The following DLG2 variants were observed in gnomAD, a reference collection of about 807,000 sequenced individuals.
DLG2 encodes disks large homolog 2.
In DLG2, 45 loss-of-function variants were observed where a neutral mutation model predicts 132.5. The observed-to-expected ratio is 0.34, with a 90% confidence interval of 0.27 to 0.44. The LOEUF is 0.44. DLG2 is among the 20% of genes least tolerant of loss of function. DLG2 has a pLI of 1.00. For synonymous variants in DLG2, 424 were observed against 419.6 expected (o/e 1.01, Z -0.13); for missense variants, 1,045 against 1,196.9 (o/e 0.87, Z 1.87).
At chr11:83,878,689 G>C (rs1164835151) in intron 15 of DLG2, among the ~76,000 whole-genome samples, 2 of 152,168 alleles carry the variant, frequency 1.3e-5, no homozygotes, top group East Asian at 1.9e-4. Context: ...TCATTAGTAA[G>C]TCATGAACAT....
intron 8 of DLG2, among the ~76,000 whole-genome samples, chr11:84,213,687 C>T (rs1302972273): frequency 4.0e-5 from 6 of 151,776 alleles, no homozygotes; most frequent in African/African-American, 1.2e-4. Flanking sequence ...GGCGTGGTGG[C>T]GGGCACCTGT....
intron 3 of DLG2, among the ~76,000 whole-genome samples, chr11:85,425,901 T>G (rs2153002815): frequency 6.6e-6 from 1 of 151,930 alleles, no homozygotes; most frequent in East Asian, 1.9e-4. Flanking sequence ...AAGAAAGGAG[T>G]GACAGATGGC....
At chr11:83,490,466 A>G (rs2093776482) in intron 21 of DLG2, among the ~76,000 whole-genome samples, 2 of 152,048 alleles carry the variant, frequency 1.3e-5, no homozygotes, top group Admixed American at 1.3e-4. Flanking sequence ...GGAAATCACC[A>G]TTTTGTAATC....
chr11:84,508,130 T>C (rs551780856), intron 7 of DLG2, among the ~76,000 whole-genome samples: 4 of 152,176 alleles, frequency 2.6e-5, no homozygotes, highest in Non-Finnish European at 5.9e-5. Context: ...AACCACCAGT[T>C]CTTACTTTGT....
intron 4 of DLG2, among the ~76,000 whole-genome samples, chr11:85,207,035 C>T (rs1279391642): frequency 6.6e-6 from 1 of 152,116 alleles, no homozygotes; most frequent in Non-Finnish European, 1.5e-5. Context: ...TCATCAAACA[C>T]ATTTCACTGT....
chr11:83,920,007 G>T (rs1258879835), intron 15 of DLG2, among the ~76,000 whole-genome samples: 1 of 152,180 alleles, frequency 6.6e-6, no homozygotes, highest in Non-Finnish European at 1.5e-5. Flanking sequence ...TCACGGGGAT[G>T]AGTTAGGGCT....
rs561768757 is a variant in DLG2 at position 84,162,297 on chromosome 11, G to C, written c.624+1164C>G. Among the ~76,000 whole-genome samples the C allele has an allele frequency of 9.6e-4, 146 of 151,662 alleles. 4 individuals are homozygous for C. The South Asian group carries it at 0.029, about 30-fold the overall frequency. ...TAACATTTGGTGTACATCTTTCCAG[G>C]CTTTATGAGTGTATTTATGTATATA... On this transcript the variant is annotated intron_variant, in intron 9 of 27. Coordinates refer to ENST00000376104, the MANE Select transcript of DLG2 (RefSeq NM_001142699.3).
intron 18 of DLG2, among the ~76,000 whole-genome samples, chr11:83,691,348 T>C (rs1202423928): frequency 5.9e-5 from 9 of 152,176 alleles, no homozygotes; most frequent in African/African-American, 9.7e-5. Flanking sequence ...TATCTAGCTT[T>C]TAATATATTT....
intron 3 of DLG2, among the ~76,000 whole-genome samples, chr11:85,360,372 AT>A (rs1565377554): frequency 6.6e-6 from 1 of 152,184 alleles, no homozygotes; most frequent in Admixed American, 6.5e-5. Context: ...CTTAAGTCAC[AT>A]AATTGTTCTT....
chr11:84,634,786 G>A (rs10898281), intron 6 of DLG2, among the ~76,000 whole-genome samples: 25,966 of 152,176 alleles, frequency 0.17, 2,371 homozygotes, highest in South Asian at 0.33. Flanking sequence ...ATGAGCCACA[G>A]TAACAAACTT....
At chr11:85,010,735 T>C (rs1007792971) in intron 6 of DLG2, among the ~76,000 whole-genome samples, 3 of 152,230 alleles carry the variant, frequency 2.0e-5, no homozygotes, top group East Asian at 1.9e-4. Context: ...ATTTCACTTA[T>C]GGGCTTCCTT....
At chr11:84,765,119 T>A (rs1346287983) in intron 6 of DLG2, among the ~76,000 whole-genome samples, 1 of 152,130 alleles carries the variant, frequency 6.6e-6, no homozygotes, top group Non-Finnish European at 1.5e-5. Context: ...TCATATAAAG[T>A]ACCTCAAGGG....
chr11:85,133,955 G>T (rs943356467), intron 5 of DLG2, among the ~76,000 whole-genome samples: 9 of 151,950 alleles, frequency 5.9e-5, no homozygotes, highest in Non-Finnish European at 2.9e-5. Context: ...AGACACACAG[G>T]CAGTCACAGA....
chr11:84,746,551 TTCTATA>T (rs201291491), intron 6 of DLG2, among the ~76,000 whole-genome samples: 1 of 152,128 alleles, frequency 6.6e-6, no homozygotes, highest in Non-Finnish European at 1.5e-5. Context: ...GAGGCTCAGT[TTCTATA>T]TCTATAAGAT....
intron 16 of DLG2, among the ~76,000 whole-genome samples, chr11:83,871,924 G>A (rs1033070405): frequency 3.9e-5 from 6 of 151,924 alleles, no homozygotes; most frequent in African/African-American, 1.2e-4. Flanking sequence ...TATTTAACTA[G>A]TACTTATTGA....
chr11:84,943,324 T>C lies in DLG2; in HGVS notation c.357+168337A>G, dbSNP rs80270807. On this transcript the variant is annotated intron_variant, in intron 6 of 27. Coordinates refer to ENST00000376104, the MANE Select transcript of DLG2 (RefSeq NM_001142699.3). ...TATTTGTTTTTTGGTTGTTTTGTAG[T>C]CATCCTTTCCTTCCTGCCTTCCTGC... Among the ~76,000 whole-genome samples, 626 of 152,156 alleles carry C rather than the reference T, an allele frequency of 4.1e-3. 29 individuals are homozygous for C. Among genetic ancestry groups the C allele is most frequent in the Admixed American group, 0.032 (489 of 15,264 alleles).
intron 5 of DLG2, among the ~76,000 whole-genome samples, chr11:85,148,906 A>C (rs528246413): frequency 1.3e-5 from 2 of 152,340 alleles, no homozygotes; most frequent in African/African-American, 4.8e-5. Context: ...TATTTAACCC[A>C]TCTTGAGTTA....
chr11:85,155,689 G>C (rs1317155983), intron 4 of DLG2, among the ~76,000 whole-genome samples: 3 of 152,014 alleles, frequency 2.0e-5, no homozygotes, highest in South Asian at 4.2e-4. Flanking sequence ...GGCCAACGTG[G>C]TGAAACCCTA....
intron 6 of DLG2, among the ~76,000 whole-genome samples, chr11:84,689,436 T>C (rs988556986): frequency 2.0e-5 from 3 of 152,028 alleles, no homozygotes; most frequent in African/African-American, 4.8e-5. Context: ...TCCTCCTCAA[T>C]AGAATATTTA....
Sources: allele counts gnomAD v4.1 joint callset (sites outside exome capture counted in the v4.1 genomes callset), GRCh38; gene constraint gnomAD v4.1.1; transcripts MANE v1.5; gene names NCBI Gene and HGNC (gene_info 2026-07-23, HGNC 2026-07-21).